Variants in SATB2 observed in about 807,000 individuals in gnomAD.
The protein encoded by SATB2 is DNA-binding protein SATB2.
Under a neutral mutation model 73.4 loss-of-function variants are expected in SATB2, and 1 was observed. The ratio of observed to expected loss-of-function variants is 0.01; its 90% confidence interval spans 0.00 to 0.06. The LOEUF is 0.06. Ranked by LOEUF, SATB2 falls within the 10% of genes least tolerant of loss-of-function variation. The pLI is 1.00. For missense variants in SATB2, 459 were observed against 945.8 expected (o/e 0.49, Z 6.75); for synonymous variants, 397 against 367.0 (o/e 1.08, Z -0.93).
At chr2:199,398,359 C>A (rs1466033) in intron 3 of SATB2, among the ~76,000 whole-genome samples, 152,042 of 152,310 alleles carry the variant, frequency 1, 75,888 homozygotes, top group Middle Eastern at 1. Flanking sequence ...AAAATATGCT[C>A]TTTCTCATAT....
chr2:199,431,961 C>T (rs555183380), intron 3 of SATB2, among the ~76,000 whole-genome samples: 9 of 152,266 alleles, frequency 5.9e-5, no homozygotes, highest in African/African-American at 2.2e-4. Flanking sequence ...CATTTAAGTA[C>T]ATAGCATGAC....
chr2:199,327,960 G>C (rs552395528), intron 8 of SATB2, among the ~76,000 whole-genome samples: 2 of 152,038 alleles, frequency 1.3e-5, no homozygotes, highest in Non-Finnish European at 2.9e-5. Context: ...TCTGCCCCCT[G>C]CCCTCAGCCA....
chr2:199,349,060 G>A lies in SATB2; in HGVS notation c.814C>T (p.Pro272Ser). 1 of 1,614,106 alleles carries A rather than the reference G, an allele frequency of 6.2e-7. No individual in the cohort carries two copies. Among genetic ancestry groups the A allele is most frequent in the Non-Finnish European group, 8.5e-7 (1 of 1,179,978 alleles). ...ASLGKTNEQS[P>S]HSQIHHSTPI... ...GTACTGTGGTGAATTTGGCTGTGAG[G>A]AGACTGTTCGTTGGTTTTCCCCAGG... is the stretch of plus-strand genomic sequence containing the variant. Residue 272 changes from proline to serine, a missense_variant, in exon 7 of 11, where the codon CCT becomes TCT. Pro to Ser is a moderately conservative substitution (Grantham distance 74, BLOSUM62 -1). Coordinates refer to ENST00000417098, the MANE Select transcript of SATB2 (RefSeq NM_001172509.2).
intron 3 of SATB2, among the ~76,000 whole-genome samples, chr2:199,429,410 C>G (rs1265924091): frequency 6.6e-6 from 1 of 152,124 alleles, no homozygotes; most frequent in Non-Finnish European, 1.5e-5. Context: ...GTACTTGGCA[C>G]CCTGCTTGAT....
rs185932031 is a variant in SATB2, at chr2:199,392,389, G to A, written c.347-10569C>T. 1.2e-4 allele frequency among the ~76,000 whole-genome samples: 18 copies of A among 151,662 alleles called. No individual in the cohort carries two copies. The East Asian group carries it at 3.5e-3, about 30-fold the overall frequency. ...ATTTCCTTCTAAGTGTGAAGGACTT[G>A]GCATAGGCTGAATAGACAATACCCA... On this transcript the variant is annotated intron_variant, in intron 3 of 10. Coordinates refer to ENST00000417098, the MANE Select transcript of SATB2 (RefSeq NM_001172509.2).
At chr2:199,301,633 G>A (rs1219778386) in intron 10 of SATB2, among the ~76,000 whole-genome samples, 1 of 152,138 alleles carries the variant, frequency 6.6e-6, no homozygotes, top group Non-Finnish European at 1.5e-5. Flanking sequence ...CCTCTTAGAT[G>A]AACTTAAAGT....
upstream of SATB2, chr2:199,458,220 G>C (rs1329177425): frequency 4.3e-6 from 1 of 232,590 alleles, no homozygotes; most frequent in African/African-American, 2.4e-5. Flanking sequence ...AGGAGGGCTG[G>C]GGAGGTTGCG....
chr2:199,304,681 G>A (rs993704379), intron 10 of SATB2, among the ~76,000 whole-genome samples: 8 of 152,180 alleles, frequency 5.3e-5, no homozygotes, highest in Admixed American at 4.6e-4. Context: ...TGATGTGACA[G>A]GATCTAGCTT....
chr2:199,426,774 A>T (rs547905725), intron 3 of SATB2, among the ~76,000 whole-genome samples: 178 of 152,224 alleles, frequency 1.2e-3, no homozygotes, highest in African/African-American at 3.9e-3. Context: ...TTCCTTTCCA[A>T]AATTATGACT....
chr2:199,298,570 T>C (rs1197288017), intron 10 of SATB2, among the ~76,000 whole-genome samples: 1 of 152,220 alleles, frequency 6.6e-6, no homozygotes, highest in African/African-American at 2.4e-5. Flanking sequence ...AGTATGTATT[T>C]GTAGATCGAG....
intron 3 of SATB2, among the ~76,000 whole-genome samples, chr2:199,426,692 C>CAAAAAAAAAAAAAAAA (rs200293007): frequency 3.1e-5 from 4 of 128,242 alleles, no homozygotes; most frequent in African/African-American, 1.3e-4. Flanking sequence ...CATTCTCTCT[C>CAAAAAAAAAAAAAAAA]AAAAAAAAAA....
chr2:199,401,402 G>C (rs896016925), intron 3 of SATB2, among the ~76,000 whole-genome samples: 1 of 150,736 alleles, frequency 6.6e-6, no homozygotes, highest in Admixed American at 6.6e-5. Context: ...AAAAAAAAAA[G>C]ATTAGCCAGG....
At chr2:199,383,785 A>G (rs1689847143) in intron 3 of SATB2, among the ~76,000 whole-genome samples, 1 of 152,210 alleles carries the variant, frequency 6.6e-6, no homozygotes, top group Non-Finnish European at 1.5e-5. Context: ...GTAAAGAAGC[A>G]TTCCATTGTA....
At chr2:199,275,778 C>T in intron 10 of SATB2, among the ~76,000 whole-genome samples, 1 of 152,162 alleles carries the variant, frequency 6.6e-6, no homozygotes. Flanking sequence ...GTTATATCTT[C>T]TAGCATCTTC....
rs775219160 is a variant in SATB2, at chr2:199,328,806, T to G, written c.1278A>C (p.Glu426Asp). 26 of 1,613,944 alleles carry G rather than the reference T, an allele frequency of 1.6e-5. No homozygotes were observed. Among genetic ancestry groups the G allele is most frequent in the Non-Finnish European group, 2.2e-5 (26 of 1,179,958 alleles). Residue 426 changes from glutamate to aspartate, a missense_variant, in exon 8 of 11, where the codon GAA becomes GAC. Physicochemically the swap from Glu to Asp is conservative, Grantham distance 45. Around this residue, in one of 13 missense-constraint regions of SATB2, gnomAD observed 21 missense variants for 92.8 expected, o/e 0.23. Transcript: ENST00000417098. Reference sequence around the variant, plus strand: ...CCTGGTAGATGCGATCTCGCTCCACTTCTGGCAGATTGAGGAAATTCTGCA... The same window carrying G: ...CCTGGTAGATGCGATCTCGCTCCACGTCTGGCAGATTGAGGAAATTCTGCA... ...RAMQNFLNLP[E>D]VERDRIYQDE...
At chr2:199,277,308 T>C (rs1349613565) in intron 10 of SATB2, among the ~76,000 whole-genome samples, 1 of 152,236 alleles carries the variant, frequency 6.6e-6, no homozygotes, top group Non-Finnish European at 1.5e-5. Context: ...AATTAAAATC[T>C]GTGCATTTTA....
At chr2:199,416,286 G>A (rs1222156530) in intron 3 of SATB2, among the ~76,000 whole-genome samples, 1 of 152,060 alleles carries the variant, frequency 6.6e-6, no homozygotes, top group Non-Finnish European at 1.5e-5. Flanking sequence ...CTATGAATGG[G>A]TAATTATCAA....
chr2:199,286,996 C>T (rs1350286193), intron 10 of SATB2, among the ~76,000 whole-genome samples: 3 of 152,222 alleles, frequency 2.0e-5, no homozygotes, highest in East Asian at 1.9e-4. Flanking sequence ...TGGTACCACA[C>T]GATCCCAATG....
rs187621028 is a variant in SATB2, at chr2:199,395,037, A to T, written c.347-13217T>A. On this transcript the variant is annotated intron_variant, in intron 3 of 10. Coordinates refer to ENST00000417098, the MANE Select transcript of SATB2 (RefSeq NM_001172509.2). ...ACATTCTATAATACATGGGGAGAAA[A>T]GCATGAAAATATTCACTAGGATAAG... 1.2e-4 allele frequency among the ~76,000 whole-genome samples: 18 copies of T among 152,240 alleles called. No individual in the cohort carries two copies. In the East Asian group the frequency reaches 3.5e-3, roughly 29 times the overall value.
Sources: allele counts gnomAD v4.1 joint callset (sites outside exome capture counted in the v4.1 genomes callset), GRCh38; gene constraint gnomAD v4.1.1; regional missense constraint gnomAD v4.1.1; transcripts MANE v1.5; gene names NCBI Gene and HGNC (gene_info 2026-07-23, HGNC 2026-07-21).